PDGFRL: variants seen among roughly 807,000 people sequenced by gnomAD.
PDGFRL encodes platelet-derived growth factor receptor-like protein.
PDGFRL carries 46 observed loss-of-function variants against 37.2 expected under a neutral mutation model. The observed-to-expected ratio is 1.24, with a 90% CI of 0.98 to 1.58. PDGFRL has a LOEUF of 1.58. Among genes scored for constraint, PDGFRL ranks in the 40% most tolerant of loss-of-function variants. The probability of loss-of-function intolerance (pLI) is 0.00; values close to 1 mark genes in which losing one functional copy is unlikely to be tolerated. For missense variants in PDGFRL, 692 were observed against 467.6 expected (o/e 1.48, Z -4.43); for synonymous variants, 251 against 184.3 (o/e 1.36, Z -2.93).
intron 2 of PDGFRL, among the ~76,000 whole-genome samples, chr8:17,605,903 G>A (rs867018482): frequency 6.6e-6 from 1 of 152,170 alleles, no homozygotes; most frequent in South Asian, 2.1e-4. Flanking sequence ...TTAGAGAGAA[G>A]GGAGGGCATC....
chr8:17,636,887 G>C (rs1259518152), intron 5 of PDGFRL, among the ~76,000 whole-genome samples: 6 of 152,080 alleles, frequency 3.9e-5, no homozygotes, highest in Non-Finnish European at 7.4e-5. Context: ...TTATAAAAGG[G>C]GTTGAGTTAT....
intron 1 of PDGFRL, among the ~76,000 whole-genome samples, chr8:17,583,069 C>T (rs926463881): frequency 2.0e-5 from 3 of 152,124 alleles, no homozygotes; most frequent in African/African-American, 4.8e-5. Context: ...TATAAATAAA[C>T]CTTGGAGGCT....
At chr8:17,642,309 C>G (rs1040292827) in intron 5 of PDGFRL, among the ~76,000 whole-genome samples, 2 of 152,192 alleles carry the variant, frequency 1.3e-5, no homozygotes, top group African/African-American at 4.8e-5. Context: ...ATGCTTAATA[C>G]CAGTTCCACT....
chr8:17,585,832 A>G (rs1212881351), intron 1 of PDGFRL, among the ~76,000 whole-genome samples: 1 of 152,226 alleles, frequency 6.6e-6, no homozygotes, highest in Non-Finnish European at 1.5e-5. Context: ...ACTTTTGATG[A>G]ATAAGATTTG....
Position 17,634,183 on chromosome 8 carries a change from G to A in PDGFRL, c.909G>A (p.Val303=), listed in dbSNP as rs758995189. The change falls in exon 5 of 6, where the codon GTG becomes GTA. Residue 303 remains valine (V), a synonymous_variant. Coordinates refer to ENST00000251630, the MANE Select transcript of PDGFRL (RefSeq NM_001372073.1). Reference sequence around the variant, plus strand: ...TCCTGGGGGAGCCCGATGTGGAGGTGGAGTTCACCTGGATCTTCCCAGGGC... The same window carrying A: ...TCCTGGGGGAGCCCGATGTGGAGGTAGAGTTCACCTGGATCTTCCCAGGGC... ...CTVLGEPDVE[V]EFTWIFPGQK... 6 of 1,613,396 alleles carry A rather than the reference G, an allele frequency of 3.7e-6. No individual in the cohort carries two copies. Among genetic ancestry groups the A allele is most frequent in the Non-Finnish European group, 5.1e-6 (6 of 1,179,430 alleles).
At chr8:17,623,099 A>G (rs1035611256) in intron 3 of PDGFRL, among the ~76,000 whole-genome samples, 7 of 152,184 alleles carry the variant, frequency 4.6e-5, no homozygotes, top group Admixed American at 4.6e-4. Flanking sequence ...AAGCTATTTT[A>G]TTATCTCCAA....
At chr8:17,586,661 C>T (rs182552925) in intron 1 of PDGFRL, among the ~76,000 whole-genome samples, 1 of 148,760 alleles carries the variant, frequency 6.7e-6, no homozygotes, top group Non-Finnish European at 1.5e-5. Context: ...ACAAATAGCA[C>T]TTAGCTAGCA....
At chr8:17,606,800 C>T (rs1038634722) in intron 2 of PDGFRL, among the ~76,000 whole-genome samples, 3 of 152,034 alleles carry the variant, frequency 2.0e-5, no homozygotes, top group Admixed American at 2.0e-4. Context: ...CATAGTAAGC[C>T]ACCTAAATAT....
At position 17,628,576 on chromosome 8, in the gene PDGFRL, A is replaced by C. The variant is rs1804785203; in HGVS notation, c.595A>C (p.Thr199Pro). The C allele has an allele frequency of 6.2e-7, 1 of 1,614,106 alleles. No individual in the cohort carries two copies. Among genetic ancestry groups the C allele is most frequent in the Admixed American group, 1.7e-5 (1 of 60,024 alleles). Residue 199 changes from threonine (T) to proline (P), a missense_variant, in exon 4 of 6, where the codon ACC (threonine) becomes CCC (proline). By Grantham distance (38) the Thr-to-Pro change is conservative. Coordinates refer to ENST00000251630, the MANE Select transcript of PDGFRL (RefSeq NM_001372073.1). ...ACAGGCTGTGGTTCCTTGTCGGGTG[A>C]CCGTGCTGTCGGCCAAAGTCACGCT... is the stretch of plus-strand genomic sequence containing the variant. Reference protein sequence around the residue: ...DRQAVVPCRVTVLSAKVTLHR... With the variant: ...DRQAVVPCRVPVLSAKVTLHR...
chr8:17,631,850 G>C (rs1804868037), intron 4 of PDGFRL, among the ~76,000 whole-genome samples: 1 of 152,082 alleles, frequency 6.6e-6, no homozygotes. Context: ...TATCAACTTT[G>C]AAATGCTGGT....
intron 2 of PDGFRL, among the ~76,000 whole-genome samples, chr8:17,590,677 A>G (rs1160455520): frequency 6.6e-6 from 1 of 151,088 alleles, no homozygotes; most frequent in Non-Finnish European, 1.5e-5. Flanking sequence ...GTACCACCGC[A>G]CTCCAGCCTG....
intron 2 of PDGFRL, among the ~76,000 whole-genome samples, chr8:17,618,449 A>G (rs903878203): frequency 4.6e-5 from 7 of 152,326 alleles, no homozygotes; most frequent in African/African-American, 1.7e-4. Context: ...GATTACTACT[A>G]TTCATCTGTA....
intron 2 of PDGFRL, among the ~76,000 whole-genome samples, chr8:17,615,030 C>T (rs943483426): frequency 3.9e-5 from 6 of 152,188 alleles, no homozygotes; most frequent in Non-Finnish European, 7.3e-5. Context: ...AAAGGGCTTA[C>T]AGCATTGCTT....
intron 3 of PDGFRL, among the ~76,000 whole-genome samples, chr8:17,624,920 T>A (rs1804702755): frequency 6.6e-6 from 1 of 152,286 alleles, no homozygotes. Context: ...CTCAAAATAC[T>A]GAATTTGTTG....
intron 3 of PDGFRL, among the ~76,000 whole-genome samples, chr8:17,623,577 T>C (rs571560387): frequency 6.6e-6 from 1 of 152,282 alleles, no homozygotes; most frequent in East Asian, 1.9e-4. Context: ...AATATCCTAT[T>C]AATATTATGG....
At chr8:17,596,867 T>C (rs1804064122) in intron 2 of PDGFRL, among the ~76,000 whole-genome samples, 1 of 152,230 alleles carries the variant, frequency 6.6e-6, no homozygotes, top group Admixed American at 6.5e-5. Context: ...AAACGGACTC[T>C]TGACATCGTT....
At position 17,589,786 on chromosome 8, in the gene PDGFRL, C is replaced by G. The variant is rs1563506706; in HGVS notation, c.353+21C>G. ...CTCAGGTAAGCATTTTTTTTTAAAA[C>G]TGTGTAGGGTTGAGGATTTGTAATA... On this transcript the variant is annotated intron_variant, in intron 2 of 5. Transcript: ENST00000251630. The G allele has an allele frequency of 4.0e-6, 6 of 1,483,382 alleles. No individual in the cohort carries two copies. The South Asian group carries it at 7.1e-5, about 18-fold the overall frequency. The allele number at this position is 1,483,382 out of a possible 1,614,324, so 91.9% of individuals were successfully genotyped here.
chr8:17,627,080 G>A (rs903957231), intron 3 of PDGFRL, among the ~76,000 whole-genome samples: 8 of 152,192 alleles, frequency 5.3e-5, no homozygotes, highest in African/African-American at 9.6e-5. Flanking sequence ...CACTGTCACC[G>A]TGCTGGGGCT....
At chr8:17,581,638 G>C (rs547268285) in intron 1 of PDGFRL, among the ~76,000 whole-genome samples, 17 of 152,116 alleles carry the variant, frequency 1.1e-4, no homozygotes, top group Admixed American at 7.2e-4. Context: ...TTTCCAGCAA[G>C]AACTGCTTGT....
Sources: gnomAD v4.1 joint callset for allele counts (sites outside exome capture counted in the v4.1 genomes callset) on GRCh38, gnomAD v4.1.1 for gene constraint, MANE v1.5 for transcripts, NCBI Gene and HGNC (gene_info 2026-07-23, HGNC 2026-07-21) for gene names.